ROBO2: variants seen among roughly 807,000 people sequenced by gnomAD.
The protein encoded by ROBO2 is roundabout homolog 2.
In ROBO2, 53 loss-of-function variants were observed where a neutral mutation model predicts 160.8. That is an observed-to-expected ratio of 0.33 (90% CI 0.26 to 0.41). The LOEUF (loss-of-function observed/expected upper bound fraction) is 0.41, where lower values mean the gene tolerates loss of function less well. Among genes scored for constraint, ROBO2 ranks in the 10% least tolerant of loss-of-function variants. ROBO2 has a pLI of 1.00. For synonymous variants in ROBO2, 664 were observed against 611.7 expected, an observed-to-expected ratio of 1.09 and a Z score of -1.26; for missense variants, 1,577 against 1,722.4, an observed-to-expected ratio of 0.92 and a Z score of 1.49.
At chr3:76,128,656 G>A (rs1445443238) in intron 2 of ROBO2, among the ~76,000 whole-genome samples, 1 of 151,890 alleles carries the variant, frequency 6.6e-6, no homozygotes, top group Non-Finnish European at 1.5e-5. Flanking sequence ...TGAATTCTCT[G>A]GAAGAGACTT....
At chr3:77,199,808 A>G (rs1382034459) in intron 2 of ROBO2, among the ~76,000 whole-genome samples, 2 of 147,740 alleles carry the variant, frequency 1.4e-5, no homozygotes, top group East Asian at 4.0e-4. Context: ...TTTGTTGTTT[A>G]TAGAGATGAT....
At chr3:76,043,530 A>T (rs2067344608) in intron 2 of ROBO2, among the ~76,000 whole-genome samples, 1 of 147,980 alleles carries the variant, frequency 6.8e-6, no homozygotes, top group Admixed American at 6.9e-5. Flanking sequence ...GAGAAGACCT[A>T]ACATTGACTC....
intron 2 of ROBO2, among the ~76,000 whole-genome samples, chr3:76,369,399 G>A (rs1382288917): frequency 6.6e-6 from 1 of 151,892 alleles, no homozygotes; most frequent in Non-Finnish European, 1.5e-5. Context: ...ACTAGGGTCT[G>A]CTATTTTCAT....
chr3:77,220,359 C>T (rs977174606), intron 2 of ROBO2, among the ~76,000 whole-genome samples: 1 of 151,982 alleles, frequency 6.6e-6, no homozygotes, highest in African/African-American at 2.4e-5. Flanking sequence ...CTTCTCCATA[C>T]ATAAAAATTA....
intron 2 of ROBO2, among the ~76,000 whole-genome samples, chr3:76,220,370 G>A (rs990499483): frequency 6.6e-6 from 1 of 151,868 alleles, no homozygotes; most frequent in Non-Finnish European, 1.5e-5. Context: ...TCGATCCCCA[G>A]TATGACAGTA....
chr3:76,645,487 C>T (rs563119263), intron 2 of ROBO2, among the ~76,000 whole-genome samples: 177 of 152,178 alleles, frequency 1.2e-3, no homozygotes, highest in Middle Eastern at 6.8e-3. Flanking sequence ...TAAACAAGAG[C>T]GAAACACAGT....
chr3:77,374,125 G>T (rs1253928636), intron 2 of ROBO2, among the ~76,000 whole-genome samples: 2 of 119,138 alleles, frequency 1.7e-5, no homozygotes, highest in Admixed American at 1.2e-4. Flanking sequence ...AGCTGAGATC[G>T]CACCACTGCA....
chr3:77,477,206 G>T (rs564313938), intron 2 of ROBO2, among the ~76,000 whole-genome samples: 16 of 152,106 alleles, frequency 1.1e-4, no homozygotes, highest in South Asian at 2.1e-4. Flanking sequence ...TTGACCAAAG[G>T]TGCATGATAA....
intron 2 of ROBO2, among the ~76,000 whole-genome samples, chr3:76,108,917 T>C (rs2070081011): frequency 6.6e-6 from 1 of 151,404 alleles, no homozygotes; most frequent in South Asian, 2.1e-4. Context: ...TTTATTAGAT[T>C]ACTATTAATG....
intron 2 of ROBO2, among the ~76,000 whole-genome samples, chr3:76,785,879 C>T (rs2062941573): frequency 6.6e-6 from 1 of 151,208 alleles, no homozygotes. Context: ...GGATCTGCTA[C>T]AATTGTTTCA....
At position 76,921,359 on chromosome 3, in the gene ROBO2, C is replaced by T. The variant is rs562097590; in HGVS notation, c.110-176655C>T. ...AGGCGGGATGGTTCACACCTGTAAT[C>T]CCAGCACTTTGGGAGGAAGAGGCAG... On this transcript the variant is annotated intron_variant, in intron 2 of 26. Transcript: ENST00000487694. Among the ~76,000 whole-genome samples, 7 of 152,254 alleles carry T rather than the reference C, an allele frequency of 4.6e-5. No individual in the cohort carries two copies. The East Asian group carries it at 1.2e-3, about 25-fold the overall frequency.
chr3:76,971,616 A>C (rs893620452), intron 2 of ROBO2, among the ~76,000 whole-genome samples: 3 of 152,202 alleles, frequency 2.0e-5, no homozygotes, highest in African/African-American at 7.2e-5. Context: ...TGGTCAAAAG[A>C]GTGTTTCATC....
At chr3:77,153,203 C>T (rs1323193499) in intron 2 of ROBO2, among the ~76,000 whole-genome samples, 1 of 152,034 alleles carries the variant, frequency 6.6e-6, no homozygotes, top group Admixed American at 6.6e-5. Flanking sequence ...TAGACTTTTC[C>T]AGTGGTGCTG....
chr3:76,946,620 T>G (rs1051421096), intron 2 of ROBO2, among the ~76,000 whole-genome samples: 1 of 152,126 alleles, frequency 6.6e-6, no homozygotes, highest in Non-Finnish European at 1.5e-5. Context: ...GTATTTTTAG[T>G]AGGGATGAGG....
At chr3:76,201,754 G>T (rs942277405) in intron 2 of ROBO2, among the ~76,000 whole-genome samples, 4 of 151,946 alleles carry the variant, frequency 2.6e-5, no homozygotes, top group Non-Finnish European at 4.4e-5. Context: ...AGTTTGCTGG[G>T]CTGCACAGGG....
chr3:76,060,577 G>T (rs1189501214), intron 2 of ROBO2, among the ~76,000 whole-genome samples: 3 of 152,158 alleles, frequency 2.0e-5, no homozygotes, highest in Non-Finnish European at 2.9e-5. Flanking sequence ...GCAATTTCTG[G>T]TTGATGACTG....
At chr3:77,549,133 T>A (rs1356400342) in intron 7 of ROBO2, among the ~76,000 whole-genome samples, 1 of 151,862 alleles carries the variant, frequency 6.6e-6, no homozygotes, top group Admixed American at 6.6e-5. Context: ...CTTTTGCCTA[T>A]GTCATGCAAG....
chr3:77,076,061 GA>G (rs1233081377), intron 1 of ROBO2, among the ~76,000 whole-genome samples: 1 of 149,854 alleles, frequency 6.7e-6, no homozygotes, highest in African/African-American at 2.5e-5. Flanking sequence ...GAAATATTGG[GA>G]AAAAAAGAAA....
chr3:77,248,909 AGTCT>A (rs775620344), intron 2 of ROBO2, among the ~76,000 whole-genome samples: 2 of 151,972 alleles, frequency 1.3e-5, no homozygotes, highest in Non-Finnish European at 2.9e-5. Flanking sequence ...ACAGGGTGTC[AGTCT>A]GTTACCCAGG....
Sources: gnomAD v4.1 joint callset for allele counts (sites outside exome capture counted in the v4.1 genomes callset) on GRCh38, gnomAD v4.1.1 for gene constraint, MANE v1.5 for transcripts, NCBI Gene and HGNC (gene_info 2026-07-23, HGNC 2026-07-21) for gene names.